USP10: variants seen among roughly 807,000 people sequenced by gnomAD.
USP10 encodes ubiquitin specific peptidase 10, also known as ubiquitin carboxyl-terminal hydrolase 10.
In USP10, 22 loss-of-function variants were observed where a neutral mutation model predicts 84.5. That is an observed-to-expected ratio of 0.26 (90% CI 0.19 to 0.37). USP10 has a LOEUF of 0.37. Ranked by LOEUF, USP10 falls within the 10% of genes least tolerant of loss-of-function variation. USP10 has a pLI of 1.00. For synonymous variants in USP10, 454 were observed against 387.6 expected (o/e 1.17, Z -2.01); for missense variants, 1,019 against 998.9 (o/e 1.02, Z -0.27).
intron 4 of USP10, among the ~76,000 whole-genome samples, chr16:84,749,064 C>T (rs559430961): frequency 3.9e-5 from 6 of 151,990 alleles, no homozygotes; most frequent in Non-Finnish European, 2.9e-5. Context: ...TAGTTGTTGA[C>T]AGTTTCAGGA....
chr16:84,769,057 A>G (rs987513778), intron 11 of USP10, among the ~76,000 whole-genome samples: 3 of 152,206 alleles, frequency 2.0e-5, no homozygotes, highest in African/African-American at 7.2e-5. Flanking sequence ...CTTCTCTGTT[A>G]TATATCTTAG....
At chr16:84,773,231 A>C (rs3893782) in intron 12 of USP10, among the ~76,000 whole-genome samples, 71,799 of 152,000 alleles carry the variant, frequency 0.47, 17,741 homozygotes, top group East Asian at 0.78. Flanking sequence ...AGCTTCAAGA[A>C]GACTTTTCTT....
At chr16:84,774,615 C>T (rs576028833) in intron 12 of USP10, among the ~76,000 whole-genome samples, 26 of 152,106 alleles carry the variant, frequency 1.7e-4, no homozygotes, top group East Asian at 9.7e-4. Flanking sequence ...AGACTACAGC[C>T]GCGTGCCACC....
intron 2 of USP10, 23 bp downstream of exon 2, chr16:84,733,526 T>C (rs1175402353): frequency 6.4e-7 from 1 of 1,551,728 alleles, no homozygotes; most frequent in Admixed American, 1.7e-5. Context: ...TTTGTTTTAG[T>C]GAGTCCGTGG....
rs1257957908 is a variant in USP10 at position 84,719,397 on chromosome 16, C to G, written c.22-14038C>G. ...AATGCCCCTACACAGTGATTCTAAA[C>G]TCCAACTGTAAGTCAGAATCACACA... On this transcript the variant is annotated intron_variant, in intron 1 of 13. Transcript: ENST00000219473. Among the ~76,000 whole-genome samples the G allele has an allele frequency of 2.0e-5, 3 of 152,190 alleles. No homozygotes were observed. The East Asian group carries it at 5.8e-4, about 29-fold the overall frequency.
Position 84,712,869 on chromosome 16 carries a change from G to A in USP10, c.21+12758G>A, listed in dbSNP as rs570808395. Among the ~76,000 whole-genome samples, 6 of 152,338 alleles carry A rather than the reference G, an allele frequency of 3.9e-5. No individual in the cohort carries two copies. The East Asian group carries it at 1.2e-3, about 29-fold the overall frequency. On this transcript the variant is annotated intron_variant, in intron 1 of 13. Transcript: ENST00000219473. ...TCTTTCTCAGCAAGTGTAGTCTGGA[G>A]ATGATAGGACACTTAGCAATGCAGA...
intron 4 of USP10, among the ~76,000 whole-genome samples, chr16:84,751,495 GGA>G: frequency 6.6e-6 from 1 of 152,172 alleles, no homozygotes; most frequent in East Asian, 1.9e-4. Flanking sequence ...CTGTTTACCG[GGA>G]TCCACCCTTG....
At chr16:84,773,126 C>G (rs868862226) in intron 12 of USP10, among the ~76,000 whole-genome samples, 14 of 152,184 alleles carry the variant, frequency 9.2e-5, no homozygotes, top group African/African-American at 2.2e-4. Flanking sequence ...AGACGTGGCA[C>G]TTACCAGCCT....
At chr16:84,715,412 A>C (rs1007436435) in intron 1 of USP10, among the ~76,000 whole-genome samples, 1 of 152,134 alleles carries the variant, frequency 6.6e-6, no homozygotes, top group Non-Finnish European at 1.5e-5. Context: ...TATGTGGTGC[A>C]TGTGGCAGGT....
chr16:84,747,243 A>G (rs981464328), intron 4 of USP10, among the ~76,000 whole-genome samples: 3 of 152,186 alleles, frequency 2.0e-5, no homozygotes, highest in African/African-American at 7.2e-5. Flanking sequence ...TGTTTGGTTT[A>G]GGCTTTCTGT....
intron 12 of USP10, among the ~76,000 whole-genome samples, chr16:84,774,637 A>AT (rs533978228): frequency 4.8e-4 from 73 of 151,822 alleles, no homozygotes; most frequent in South Asian, 1.5e-3. Context: ...CGCCCGGGTA[A>AT]TTTTTTGTAT....
intron 8 of USP10, among the ~76,000 whole-genome samples, chr16:84,762,153 C>T (rs1913281760): frequency 6.6e-6 from 1 of 152,250 alleles, no homozygotes. Context: ...AATGATTTTG[C>T]TGATGTATGT....
intron 1 of USP10, among the ~76,000 whole-genome samples, chr16:84,702,442 C>T (rs887652148): frequency 1.3e-5 from 2 of 152,116 alleles, no homozygotes; most frequent in Admixed American, 6.5e-5. Flanking sequence ...GTTACTGGTT[C>T]CTGCTCCAGT....
chr16:84,777,885 A>G (rs1414759055), intron 13 of USP10, among the ~76,000 whole-genome samples: 3 of 152,186 alleles, frequency 2.0e-5, no homozygotes, highest in African/African-American at 4.8e-5. Context: ...CTGCCCTGTC[A>G]TTCCCCGCGG....
intron 1 of USP10, among the ~76,000 whole-genome samples, chr16:84,727,789 A>G (rs1360960293): frequency 1.3e-5 from 2 of 152,244 alleles, no homozygotes; most frequent in Non-Finnish European, 2.9e-5. Flanking sequence ...AAATTCTTGA[A>G]TGTGTATTTC....
chr16:84,764,948 A>G (rs981343263), intron 10 of USP10, among the ~76,000 whole-genome samples: 30 of 147,830 alleles, frequency 2.0e-4, no homozygotes, highest in Non-Finnish European at 3.6e-4. Context: ...AAATATATAT[A>G]TATATATTAG....
intron 1 of USP10, among the ~76,000 whole-genome samples, chr16:84,713,390 G>A (rs1054086755): frequency 2.0e-5 from 3 of 151,792 alleles, no homozygotes; most frequent in Admixed American, 6.6e-5. Flanking sequence ...TTAAAATTGC[G>A]CCCTCCTTCA....
rs778160603 is a variant in USP10, at chr16:84,745,301, G to A, written c.820G>A (p.Val274Ile). 1.6e-5 allele frequency: 26 copies of A among 1,613,010 alleles called. No individual in the cohort carries two copies. Among genetic ancestry groups the A allele is most frequent in the South Asian group, 1.4e-4 (13 of 91,036 alleles). ...LSRTAGAQPC[V>I]GTDTTENLGV... Reference sequence around the variant, plus strand: ...AAGGACAGCTGGGGCTCAGCCCTGCGTTGGTACCGATACTACTGAAAACCT... The same window carrying A: ...AAGGACAGCTGGGGCTCAGCCCTGCATTGGTACCGATACTACTGAAAACCT... The change falls in exon 4 of 14, where the codon GTT (valine) becomes ATT (isoleucine). Residue 274 changes from valine (V) to isoleucine (I), a missense_variant. This residue lies in a region of USP10 where 787 missense variants were observed against 708.8 expected (regional missense o/e 1.11). Transcript: ENST00000219473.
At chr16:84,713,268 C>A (rs971642924) in intron 1 of USP10, among the ~76,000 whole-genome samples, 2 of 152,152 alleles carry the variant, frequency 1.3e-5, no homozygotes, top group East Asian at 3.8e-4. Context: ...TGTCTGTCCC[C>A]GAGACCCTCT....
Sources: allele counts gnomAD v4.1 joint callset (sites outside exome capture counted in the v4.1 genomes callset), GRCh38; gene constraint gnomAD v4.1.1; regional missense constraint gnomAD v4.1.1; transcripts MANE v1.5; gene names NCBI Gene and HGNC (gene_info 2026-07-23, HGNC 2026-07-21).